TMEM232: variants seen among roughly 807,000 people sequenced by gnomAD.
TMEM232 encodes the protein transmembrane protein 232.
A neutral mutation model predicts 78.8 loss-of-function variants in TMEM232; 80 were observed. The observed-to-expected ratio is 1.01, with a 90% CI of 0.85 to 1.22. TMEM232 has a LOEUF of 1.22. Among genes scored for constraint, TMEM232 ranks in the 50% most tolerant of loss-of-function variants. The pLI, the probability that TMEM232 is intolerant of heterozygous loss-of-function variation, is 0.00. For missense variants in TMEM232, 881 were observed against 742.2 expected (o/e 1.19, Z -2.17); for synonymous variants, 297 against 254.3 (o/e 1.17, Z -1.60).
At chr5:110,591,373 G>A (rs1055103011) in intron 10 of TMEM232, among the ~76,000 whole-genome samples, 4 of 151,970 alleles carry the variant, frequency 2.6e-5, no homozygotes, top group East Asian at 3.9e-4. Context: ...AATGAGAATC[G>A]CTTGATACTA....
intron 12 of TMEM232, among the ~76,000 whole-genome samples, chr5:110,495,004 A>C (rs1289311003): frequency 6.6e-6 from 1 of 151,740 alleles, no homozygotes; most frequent in Non-Finnish European, 1.5e-5. Flanking sequence ...CTATGAAAGC[A>C]GTAGGAGAAT....
At chr5:110,690,525 G>A (rs1322794906) in intron 1 of TMEM232, among the ~76,000 whole-genome samples, 1 of 152,292 alleles carries the variant, frequency 6.6e-6, no homozygotes, top group Admixed American at 6.5e-5. Flanking sequence ...CACTGTTAGT[G>A]GGAGTGTAAA....
chr5:110,498,247 C>T (rs536027693), intron 12 of TMEM232, among the ~76,000 whole-genome samples: 1 of 152,154 alleles, frequency 6.6e-6, no homozygotes, highest in South Asian at 2.1e-4. Flanking sequence ...ATAAACTATT[C>T]CCTGTAGCTG....
rs544561474 is a variant in TMEM232 at position 110,667,347 on chromosome 5, A to G, written c.6T>C (p.Asn2=). 2.1e-4 allele frequency: 317 copies of G among 1,507,400 alleles called. 4 individuals are homozygous for G. In the South Asian group the frequency reaches 3.0e-3, roughly 14 times the overall value. 93.4% of individuals were successfully genotyped at this position (1,507,400 alleles called of 1,614,324 possible). A position where few individuals can be genotyped will look rare whatever the true frequency, so the allele number is the denominator to read the frequency against. The change falls in exon 2 of 14, where the codon AAT becomes AAC. Residue 2 remains asparagine, a synonymous_variant. Coordinates refer to ENST00000455884, the MANE Select transcript of TMEM232 (RefSeq NM_001039763.4). ...TCATAGGTGATTTGTTAACAGGCAT[A>G]TTCATAAATCATAAATTCTAAAAGG... is the stretch of plus-strand genomic sequence containing the variant. The part of the protein sequence containing the change: M[N]MPVNKSPMIN...
chr5:110,717,707 A>C (rs910004882), intron 1 of TMEM232, among the ~76,000 whole-genome samples: 23 of 152,066 alleles, frequency 1.5e-4, no homozygotes, highest in African/African-American at 5.3e-4. Context: ...GGTTTCTTCC[A>C]TGCTGTTCTC....
intron 11 of TMEM232, among the ~76,000 whole-genome samples, chr5:110,566,979 G>C (rs767168461): frequency 6.6e-6 from 1 of 151,876 alleles, no homozygotes; most frequent in East Asian, 1.9e-4. Flanking sequence ...AGGAACAAAG[G>C]CATGTTTTAC....
intron 12 of TMEM232, among the ~76,000 whole-genome samples, chr5:110,457,895 T>C (rs1761067802): frequency 6.6e-6 from 1 of 152,106 alleles, no homozygotes; most frequent in Admixed American, 6.6e-5. Flanking sequence ...TGATGTATAT[T>C]CATGTATATG....
At chr5:110,507,981 G>C (rs747526477) in intron 12 of TMEM232, among the ~76,000 whole-genome samples, 1 of 152,138 alleles carries the variant, frequency 6.6e-6, no homozygotes, top group Admixed American at 6.5e-5. Flanking sequence ...TATGCTAATA[G>C]GTGGTTGACT....
At chr5:110,710,688 T>C (rs1274011076) in intron 1 of TMEM232, among the ~76,000 whole-genome samples, 2 of 151,940 alleles carry the variant, frequency 1.3e-5, no homozygotes, top group African/African-American at 2.4e-5. Flanking sequence ...AAAATCAACA[T>C]CCTTTTATGA....
chr5:110,517,633 G>T (rs902357857), intron 12 of TMEM232, among the ~76,000 whole-genome samples: 4 of 152,166 alleles, frequency 2.6e-5, no homozygotes, highest in African/African-American at 7.2e-5. Context: ...GAATGGTGCA[G>T]TGGGAATGCT....
intron 2 of TMEM232, among the ~76,000 whole-genome samples, chr5:110,644,341 C>A (rs1056896692): frequency 2.0e-5 from 3 of 151,794 alleles, no homozygotes; most frequent in Admixed American, 6.6e-5. Context: ...GTTAAAAAAG[C>A]CCCTTCATCC....
At chr5:110,737,002 T>TAAAAAAA (rs5870418) in intron 1 of TMEM232, among the ~76,000 whole-genome samples, 1 of 134,686 alleles carries the variant, frequency 7.4e-6, no homozygotes, top group Non-Finnish European at 1.6e-5. Context: ...TTCCTTATTC[T>TAAAAAAA]AAAAAAAAAA....
intron 10 of TMEM232, among the ~76,000 whole-genome samples, chr5:110,599,363 G>A (rs946216544): frequency 6.6e-6 from 1 of 152,108 alleles, no homozygotes; most frequent in Non-Finnish European, 1.5e-5. Flanking sequence ...CCAATTAAAA[G>A]ACACCGACTA....
intron 12 of TMEM232, among the ~76,000 whole-genome samples, chr5:110,488,834 T>C (rs1462207203): frequency 6.6e-6 from 1 of 151,906 alleles, no homozygotes; most frequent in Non-Finnish European, 1.5e-5. Context: ...GCATAAAAAA[T>C]AGAAGTTTCA....
At chr5:110,716,560 G>A (rs950185090) in intron 1 of TMEM232, among the ~76,000 whole-genome samples, 1 of 152,118 alleles carries the variant, frequency 6.6e-6, no homozygotes, top group Admixed American at 6.6e-5. Context: ...GCACTCCTAT[G>A]AGAATCTAAT....
intron 10 of TMEM232, among the ~76,000 whole-genome samples, chr5:110,577,238 A>T (rs1777670912): frequency 6.6e-6 from 1 of 152,158 alleles, no homozygotes; most frequent in Non-Finnish European, 1.5e-5. Flanking sequence ...ATCTCAAAAG[A>T]AGACACACAT....
chr5:110,650,409 G>C (rs1439091397), intron 2 of TMEM232, among the ~76,000 whole-genome samples: 1 of 151,990 alleles, frequency 6.6e-6, no homozygotes, highest in Non-Finnish European at 1.5e-5. Flanking sequence ...GTAAGCCAAA[G>C]GGAGGAGGAA....
chr5:110,539,960 T>A lies in TMEM232; in HGVS notation c.1456-11125A>T, dbSNP rs143455167. Reference sequence around the variant, plus strand: ...TTGTTCTTTTGGGGGAATAGCCAGGTTTTGCAGAATATGGGCACCAAATTT... The same window carrying A: ...TTGTTCTTTTGGGGGAATAGCCAGGATTTGCAGAATATGGGCACCAAATTT... On this transcript the variant is annotated intron_variant, in intron 11 of 13. Transcript: ENST00000455884. 2.1e-3 allele frequency among the ~76,000 whole-genome samples: 323 copies of A among 152,158 alleles called. 2 individuals carry two copies. Among genetic ancestry groups the A allele is most frequent in the African/African-American group, 7.4e-3 (307 of 41,500 alleles).
At chr5:110,616,161 G>A (rs1042661654) in intron 8 of TMEM232, among the ~76,000 whole-genome samples, 2 of 151,874 alleles carry the variant, frequency 1.3e-5, no homozygotes, top group Non-Finnish European at 2.9e-5. Flanking sequence ...TGCAAAACTG[G>A]ATTTTAAAGT....
Sources: allele counts gnomAD v4.1 joint callset (sites outside exome capture counted in the v4.1 genomes callset), GRCh38; gene constraint gnomAD v4.1.1; transcripts MANE v1.5; gene names NCBI Gene and HGNC (gene_info 2026-07-23, HGNC 2026-07-21).